Variants in MAPK10 observed in about 807,000 individuals in gnomAD.
MAPK10 encodes JNK3 alpha protein kinase.
In MAPK10, 25 loss-of-function variants were observed where a neutral mutation model predicts 59.3. The ratio of observed to expected loss-of-function variants is 0.42; its 90% CI spans 0.31 to 0.59. The LOEUF is 0.59. Among genes scored for constraint, MAPK10 ranks in the 20% least tolerant of loss-of-function variants. The pLI, the probability that MAPK10 is intolerant of heterozygous loss-of-function variation, is 0.15. For missense variants in MAPK10, 351 were observed against 568.9 expected (o/e 0.62, Z 3.90); for synonymous variants, 190 against 200.5 (o/e 0.95, Z 0.44).
chr4:86,256,146 A>C (rs2093696670), intron 2 of MAPK10, among the ~76,000 whole-genome samples: 1 of 152,090 alleles, frequency 6.6e-6, no homozygotes, highest in Non-Finnish European at 1.5e-5. Flanking sequence ...TCCCACAAGT[A>C]ATTTTTATTG....
chr4:86,029,543 AC>A (rs1752194018), intron 12 of MAPK10, among the ~76,000 whole-genome samples: 1 of 152,238 alleles, frequency 6.6e-6, no homozygotes, highest in Admixed American at 6.5e-5. Context: ...ATTTCCATAT[AC>A]ATAGTATTTA....
chr4:86,422,362 G>A (rs952407988), intron 1 of MAPK10, among the ~76,000 whole-genome samples: 6 of 152,286 alleles, frequency 3.9e-5, no homozygotes, highest in African/African-American at 1.4e-4. Flanking sequence ...AAGATAAAAA[G>A]AGAAGGCAAT....
Position 86,067,958 on chromosome 4 carries a change from G to C in MAPK10, c.803-3C>G, listed in dbSNP as rs1368648265. The C allele has an allele frequency of 1.3e-6, 2 of 1,597,888 alleles. No individual in the cohort carries two copies. The highest frequency in any genetic ancestry group is 1.7e-6 in the Non-Finnish European group (2 of 1,170,510). On this transcript the variant is annotated splice_region_variant and splice_polypyrimidine_tract_variant and intron_variant, in intron 9 of 13. Coordinates refer to ENST00000641462, the MANE Select transcript of MAPK10 (RefSeq NM_138982.4). ...TACCTTATTCCACTGGTCAATATCTGAGAATTGAACAGTTAAGGGAAAAAA... is the reference window on the plus strand; with the variant it reads ...TACCTTATTCCACTGGTCAATATCTCAGAATTGAACAGTTAAGGGAAAAAA...
At chr4:86,301,591 CG>C (rs1233209829) in intron 2 of MAPK10, among the ~76,000 whole-genome samples, 2 of 152,068 alleles carry the variant, frequency 1.3e-5, no homozygotes, top group Admixed American at 1.3e-4. Flanking sequence ...GGAAATTTGA[CG>C]GGCTTAAATA....
intron 9 of MAPK10, among the ~76,000 whole-genome samples, chr4:86,093,072 T>C (rs1022515892): frequency 7.9e-5 from 12 of 152,190 alleles, no homozygotes; most frequent in Non-Finnish European, 1.6e-4. Flanking sequence ...ATTATCTTTC[T>C]TCTACTTCTA....
intron 3 of MAPK10, among the ~76,000 whole-genome samples, chr4:86,159,999 C>T (rs1172329625): frequency 6.6e-6 from 1 of 151,954 alleles, no homozygotes; most frequent in Non-Finnish European, 1.5e-5. Flanking sequence ...GTCTTGACTT[C>T]ATTTGTCCTC....
In MAPK10 at chr4:86,098,612, AG is replaced by A; in HGVS notation, c.731-18del. On this transcript the variant is annotated intron_variant, in intron 8 of 13. Transcript: ENST00000641462. Reference sequence around the variant, plus strand: ...ATATATCCACTAGAACAGGAGAGAGAGGGTAGTGAAGAAAAGGGAGGAAAGT... The same window carrying A: ...ATATATCCACTAGAACAGGAGAGAGAGGTAGTGAAGAAAAGGGAGGAAAGT... 6.3e-7 allele frequency: 1 copy of A among 1,581,286 alleles called. No homozygotes were observed. Among genetic ancestry groups the A allele is most frequent in the Non-Finnish European group, 8.7e-7 (1 of 1,150,886 alleles).
At chr4:86,172,617 T>C (rs2074557537) in intron 3 of MAPK10, among the ~76,000 whole-genome samples, 1 of 151,092 alleles carries the variant, frequency 6.6e-6, no homozygotes, top group Non-Finnish European at 1.5e-5. Flanking sequence ...GAGATATACC[T>C]AATGCTAAAT....
intron 2 of MAPK10, among the ~76,000 whole-genome samples, chr4:86,309,861 C>A (rs1347924493): frequency 6.6e-6 from 1 of 152,100 alleles, no homozygotes; most frequent in Non-Finnish European, 1.5e-5. Context: ...CACATACAGG[C>A]CTAAAGATTA....
At chr4:86,528,981 T>G (rs1040730192) in intron 1 of MAPK10, among the ~76,000 whole-genome samples, 3 of 152,092 alleles carry the variant, frequency 2.0e-5, no homozygotes, top group African/African-American at 7.2e-5. Flanking sequence ...GGAAGTAGGG[T>G]TGGGTGAAGG....
In MAPK10 at chr4:86,481,607, T is replaced by C. The variant is rs17011926; in HGVS notation, c.-263+112303A>G. Among the ~76,000 whole-genome samples the C allele has an allele frequency of 7.2e-3, 1,094 of 152,250 alleles. 45 individuals are homozygous for C. The highest frequency in any genetic ancestry group is 0.065 in the Admixed American group (1,000 of 15,280). ...CCTAGCTGTGACACATAATGAACTGTTCCAGAAATGTTTCCCCAGTAGTGA... is the reference window on the plus strand; with the variant it reads ...CCTAGCTGTGACACATAATGAACTGCTCCAGAAATGTTTCCCCAGTAGTGA... On this transcript the variant is annotated intron_variant, in intron 1 of 4. Coordinates refer to the MAPK10 transcript ENST00000502302.
chr4:86,485,889 G>A (rs1753948482), intron 1 of MAPK10, among the ~76,000 whole-genome samples: 3 of 152,296 alleles, frequency 2.0e-5, no homozygotes, highest in East Asian at 1.9e-4. Context: ...TGCAAGCCAG[G>A]AAAAGAGGCC....
chr4:86,296,780 TTAA>T (rs1204418666), intron 2 of MAPK10, among the ~76,000 whole-genome samples: 1 of 152,264 alleles, frequency 6.6e-6, no homozygotes, highest in Admixed American at 6.5e-5. Context: ...TTAATCATAG[TTAA>T]TGATGAGAAT....
intron 1 of MAPK10, among the ~76,000 whole-genome samples, chr4:86,479,645 T>C (rs537239872): frequency 2.2e-4 from 33 of 152,240 alleles, no homozygotes; most frequent in African/African-American, 5.5e-4. Context: ...CCGCCACTCT[T>C]AACTCCCTCT....
intron 2 of MAPK10, among the ~76,000 whole-genome samples, chr4:86,251,170 ATTTT>A: frequency 8.8e-6 from 1 of 113,300 alleles, no homozygotes; most frequent in Non-Finnish European, 1.7e-5. Flanking sequence ...ATTTTATTTT[ATTTT>A]ATTTATTTTT....
chr4:86,075,467 G>A (rs966051463), intron 9 of MAPK10, among the ~76,000 whole-genome samples: 28 of 152,078 alleles, frequency 1.8e-4, no homozygotes, highest in Non-Finnish European at 2.9e-4. Flanking sequence ...GAGGAGAGAT[G>A]CTCTGCGTTT....
At chr4:86,346,570 A>T (rs921281713) in intron 2 of MAPK10, among the ~76,000 whole-genome samples, 1 of 152,134 alleles carries the variant, frequency 6.6e-6, no homozygotes, top group African/African-American at 2.4e-5. Flanking sequence ...GAAACTCACA[A>T]AAGATGAAAT....
Position 86,029,141 on chromosome 4 carries a change from A to G in MAPK10, c.1252+56T>C, listed in dbSNP as rs371088412. ...TGTTATTTCTTGCAACCCCTACACAAAGGCCAAGAAATTACACAAGTACTA... is the reference window on the plus strand; with the variant it reads ...TGTTATTTCTTGCAACCCCTACACAGAGGCCAAGAAATTACACAAGTACTA... On this transcript the variant is annotated intron_variant, in intron 13 of 13. Transcript: ENST00000641462. 6 of 1,204,724 alleles carry G rather than the reference A, an allele frequency of 5.0e-6. No homozygotes were observed. In the African/African-American group the frequency reaches 9.0e-5, roughly 18 times the overall value. 74.6% of individuals were successfully genotyped at this position (1,204,724 alleles called of 1,614,324 possible).
chr4:86,509,658 C>T (rs1756065479), intron 1 of MAPK10, among the ~76,000 whole-genome samples: 1 of 152,086 alleles, frequency 6.6e-6, no homozygotes, highest in African/African-American at 2.4e-5. Flanking sequence ...ACCCTAAACT[C>T]ATTTAAAACT....
Sources: allele counts gnomAD v4.1 joint callset (sites outside exome capture counted in the v4.1 genomes callset), GRCh38; gene constraint gnomAD v4.1.1; transcripts MANE v1.5; gene names NCBI Gene and HGNC (gene_info 2026-07-23, HGNC 2026-07-21).